ABLIM2: variants seen among roughly 807,000 people sequenced by gnomAD.
ABLIM2 encodes the protein actin binding LIM protein family member 2.
ABLIM2 carries 53 observed loss-of-function variants against 97.7 expected under a neutral mutation model. The observed-to-expected ratio is 0.54, with a 90% CI of 0.44 to 0.68. The LOEUF (loss-of-function observed/expected upper bound fraction) is 0.68, where lower values mean the gene tolerates loss of function less well. Among genes scored for constraint, ABLIM2 ranks in the 30% least tolerant of loss-of-function variants. The pLI is 0.00. For missense variants in ABLIM2, 835 were observed against 867.2 expected, an observed-to-expected ratio of 0.96 and a Z score of 0.47; for synonymous variants, 361 against 345.8, an observed-to-expected ratio of 1.04 and a Z score of -0.49.
At chr4:8,050,816 G>T (rs946224054) in intron 8 of ABLIM2, among the ~76,000 whole-genome samples, 1 of 152,218 alleles carries the variant, frequency 6.6e-6, no homozygotes. Flanking sequence ...CCCTGGACTC[G>T]GCGCTAAGAG....
At chr4:8,016,140 G>A (rs1008739353) in intron 14 of ABLIM2, among the ~76,000 whole-genome samples, 1 of 146,638 alleles carries the variant, frequency 6.8e-6, no homozygotes, top group Non-Finnish European at 1.5e-5. Context: ...TGCCTCCCGG[G>A]TTCAAGCGAT....
In ABLIM2 at chr4:8,087,622, C is replaced by T. The variant is rs1824555631; in HGVS notation, c.454+547G>A. ...CCAGAGGGAGAGGACCTGAAGGAGA[C>T]CTGGAAGGCTTCCTGGAGGAGGTAT... On this transcript the variant is annotated intron_variant, in intron 4 of 20. Transcript: ENST00000447017. This position sits in a 1 kb window ranked among gnomAD's most constrained non-coding sequence, Gnocchi z 4.6. 6.6e-6 allele frequency among the ~76,000 whole-genome samples: 1 copy of T among 152,090 alleles called. No homozygotes were observed. Among genetic ancestry groups the T allele is most frequent in the East Asian group, 1.9e-4 (1 of 5,184 alleles).
chr4:8,135,058 AG>A (rs1463788522), intron 1 of ABLIM2, among the ~76,000 whole-genome samples: 2 of 152,250 alleles, frequency 1.3e-5, no homozygotes, highest in Admixed American at 6.5e-5. Flanking sequence ...CCAGACATGA[AG>A]AAACAGACCA....
rs1456026456 is a variant in ABLIM2, at chr4:8,015,987, G to A, written c.1423+3631C>T. ...TATAAGTTCAAATCAGATATGAGAC[G>A]ATCGTAAGCTACTATTCCTGTCTGT... On this transcript the variant is annotated intron_variant, in intron 14 of 20. Coordinates refer to ENST00000447017, the MANE Select transcript of ABLIM2 (RefSeq NM_001130083.2). This position sits in a 1 kb window ranked among gnomAD's most constrained non-coding sequence, Gnocchi z 4.6. Among the ~76,000 whole-genome samples, 2 of 151,162 alleles carry A rather than the reference G, an allele frequency of 1.3e-5. No homozygotes were observed. The highest frequency in any genetic ancestry group is 2.9e-5 in the Non-Finnish European group (2 of 67,936).
Position 8,022,604 on chromosome 4 carries a change from C to T in ABLIM2, c.1268-2301G>A, listed in dbSNP as rs1328947451. 6.6e-6 allele frequency: 1 copy of T among 152,516 alleles called. No homozygotes were observed. The allele number at this position is 152,516 out of a possible 1,614,324, so 9.4% of individuals were successfully genotyped here. ...TGACGAGTGTCCTCTCCAGGGCTTC[C>T]CACCTGTCCGGACCCTTCCTGGGTC... On this transcript the variant is annotated intron_variant, in intron 12 of 20. Coordinates refer to ENST00000447017, the MANE Select transcript of ABLIM2 (RefSeq NM_001130083.2). This position sits in a 1 kb window ranked among gnomAD's most constrained non-coding sequence, Gnocchi z 7.8.
intron 16 of ABLIM2, 192 bp downstream of exon 16, chr4:8,007,867 A>T: frequency 7.2e-7 from 1 of 1,389,514 alleles, no homozygotes; most frequent in Non-Finnish European, 9.3e-7. Context: ...GCTCGGGGAC[A>T]GTTCTTGGGA....
At position 8,032,763 on chromosome 4, in the gene ABLIM2, C is replaced by T. The variant is rs1781770945; in HGVS notation, c.1048-2987G>A. On this transcript the variant is annotated intron_variant, in intron 10 of 20. Coordinates refer to ENST00000447017, the MANE Select transcript of ABLIM2 (RefSeq NM_001130083.2). The surrounding 1 kb of genome is among the most constrained non-coding windows in gnomAD (Gnocchi z 4.3). ...GGGCAGTTCCGTGACTGGCAGGCAA[C>T]ACAGGCGCAAACACCCACACAGAGC... The T allele has an allele frequency of 1.4e-6, 2 of 1,455,502 alleles. No homozygotes were observed. Among genetic ancestry groups the T allele is most frequent in the Admixed American group, 1.7e-5 (1 of 58,768 alleles). 90.2% of individuals were successfully genotyped at this position (1,455,502 alleles called of 1,614,324 possible). A position where few individuals can be genotyped will look rare whatever the true frequency, so the allele number is the denominator to read the frequency against.
chr4:7,974,436 C>T (rs373591696), intron 20 of ABLIM2, among the ~76,000 whole-genome samples: 106 of 147,404 alleles, frequency 7.2e-4, no homozygotes, highest in African/African-American at 2.3e-3. Flanking sequence ...CCCACCCTTC[C>T]ACCCACCCAC....
Position 8,148,131 on chromosome 4 carries a change from G to T in ABLIM2, c.10+10549C>A, listed in dbSNP as rs147169599. Among the ~76,000 whole-genome samples the T allele has an allele frequency of 3.9e-5, 6 of 152,190 alleles. No homozygotes were observed. Among genetic ancestry groups the T allele is most frequent in the Non-Finnish European group, 7.3e-5 (5 of 68,034 alleles). ...AAAGCCCACCATGCGCACCTTCCCC[G>T]GCAGAGAAGGGGTTTGGAGTGGCAG... On this transcript the variant is annotated intron_variant, in intron 1 of 20. Coordinates refer to ENST00000447017, the MANE Select transcript of ABLIM2 (RefSeq NM_001130083.2). The surrounding 1 kb of genome is among the most constrained non-coding windows in gnomAD (Gnocchi z 6.7).
At position 8,080,652 on chromosome 4, in the gene ABLIM2, C is replaced by T. The variant is rs950284691; in HGVS notation, c.581+24G>A. 3 of 1,581,442 alleles carry T rather than the reference C, an allele frequency of 1.9e-6. No individual in the cohort carries two copies. The African/African-American group carries it at 4.0e-5, about 21-fold the overall frequency. On this transcript the variant is annotated intron_variant, in intron 5 of 20. Transcript: ENST00000447017. The stretch of plus-strand genomic sequence containing the variant: ...GTAGGGAAGCCTGAGCGGAGGCTCT[C>T]ACTAGAGCCCTCCCCCCACTTACTT...
At chr4:8,136,146 G>A in intron 1 of ABLIM2, among the ~76,000 whole-genome samples, 1 of 152,340 alleles carries the variant, frequency 6.6e-6, no homozygotes, top group East Asian at 1.9e-4. Flanking sequence ...AATCCCGACA[G>A]AGGCTACAGC....
At chr4:8,045,301 C>T (rs1359788383) in intron 8 of ABLIM2, 60 bp from the exon 9 acceptor site, 20 of 1,462,976 alleles carry the variant, frequency 1.4e-5, no homozygotes, top group South Asian at 1.0e-4. Flanking sequence ...CCTTCAGAGG[C>T]GACTGTCAGG....
rs550153078 is a variant in ABLIM2, at chr4:8,091,250, T to C, written c.339-2966A>G. Among the ~76,000 whole-genome samples, 237 of 120,636 alleles carry C rather than the reference T, an allele frequency of 2.0e-3. 4 individuals carry two copies. The highest frequency in any genetic ancestry group is 2.7e-3 in the Non-Finnish European group (165 of 60,178). The allele number at this position is 120,636 out of a possible 152,430, so 79.1% of individuals were successfully genotyped here. On this transcript the variant is annotated intron_variant, in intron 3 of 20. Transcript: ENST00000447017. The stretch of plus-strand genomic sequence containing the variant: ...ATGATGGTAAACACTGTTTCATGTA[T>C]GCTGTTGGTCATTTGTGTGTATATA...
chr4:8,066,578 G>C (rs1807923426), intron 6 of ABLIM2: 1 of 152,236 alleles, frequency 6.6e-6, no homozygotes, highest in South Asian at 2.1e-4. Flanking sequence ...GCCACAGACA[G>C]GAATGAAAGC....
chr4:8,068,985 TC>T lies in ABLIM2; in HGVS notation c.676-7932del, dbSNP rs1396489484. On this transcript the variant is annotated intron_variant, in intron 6 of 20. Coordinates refer to ENST00000447017, the MANE Select transcript of ABLIM2 (RefSeq NM_001130083.2). The surrounding 1 kb of genome is among the most constrained non-coding windows in gnomAD (Gnocchi z 4.5). ...CCCAGAATCCCCAGGGGCCACTGCA[TC>T]CCAGAAAGAAGGGCCCCACTCTGAG... is the stretch of plus-strand genomic sequence containing the variant. Among the ~76,000 whole-genome samples the T allele has an allele frequency of 4.1e-4, 63 of 152,356 alleles. No individual in the cohort carries two copies. The highest frequency in any genetic ancestry group is 1.4e-3 in the African/African-American group (60 of 41,582).
At chr4:8,079,750 ATGCGTGCG>A (rs1039519435) in intron 5 of ABLIM2, among the ~76,000 whole-genome samples, 1 of 150,444 alleles carries the variant, frequency 6.6e-6, no homozygotes, top group Non-Finnish European at 1.5e-5. Flanking sequence ...GTGCATGCAT[ATGCGTGCG>A]TGCGTGTGTG....
chr4:8,105,585 C>T (rs1039990057), intron 2 of ABLIM2, among the ~76,000 whole-genome samples: 1 of 152,192 alleles, frequency 6.6e-6, no homozygotes, highest in South Asian at 2.1e-4. Flanking sequence ...AAACCGTCAG[C>T]GCACTAGGGT....
In ABLIM2 at chr4:8,054,686, A is replaced by T. The variant is rs1032884180; in HGVS notation, c.764-440T>A. On this transcript the variant is annotated intron_variant, in intron 7 of 20. Transcript: ENST00000447017. The surrounding 1 kb of genome is among the most constrained non-coding windows in gnomAD (Gnocchi z 4.9). ...ACCTGCAGAGACAGCTGGTGCTGCA[A>T]CCTGGGTGGGAGCCAGCCTTGGGGA... Among the ~76,000 whole-genome samples the T allele has an allele frequency of 1.3e-5, 2 of 152,176 alleles. No individual in the cohort carries two copies. The highest frequency in any genetic ancestry group is 1.3e-4 in the Admixed American group (2 of 15,288).
At position 7,966,643 on chromosome 4, in the gene ABLIM2, C is replaced by T. The variant is rs1049090825; in HGVS notation, c.*347G>A. On this transcript the variant is annotated 3_prime_UTR_variant, in exon 21 of 21. Coordinates refer to ENST00000447017, the MANE Select transcript of ABLIM2 (RefSeq NM_001130083.2). ...ACGTCCCGGCCACCTCTGTCCCCCACGTGCCCAGCACCGGGGCCAGGGCAC... is the reference window on the plus strand; with the variant it reads ...ACGTCCCGGCCACCTCTGTCCCCCATGTGCCCAGCACCGGGGCCAGGGCAC... The T allele has an allele frequency of 1.6e-5, 4 of 249,924 alleles. No homozygotes were observed. The highest frequency in any genetic ancestry group is 8.8e-5 in the East Asian group (1 of 11,406). 15.5% of individuals were successfully genotyped at this position (249,924 alleles called of 1,614,324 possible).
Sources: gnomAD v4.1 joint callset for allele counts (sites outside exome capture counted in the v4.1 genomes callset) on GRCh38, gnomAD v4.1.1 for gene constraint, Gnocchi (gnomAD v3.1) non-coding constraint, MANE v1.5 for transcripts, NCBI Gene and HGNC (gene_info 2026-07-23, HGNC 2026-07-21) for gene names.